The following EPHA6 variants were observed in gnomAD, a reference collection of about 807,000 sequenced individuals.
EPHA6 encodes the protein ephrin type-A receptor 6.
A neutral mutation model predicts 112.0 loss-of-function variants in EPHA6; 50 were observed. The observed-to-expected ratio is 0.45, with a 90% confidence interval of 0.36 to 0.56. The LOEUF (loss-of-function observed/expected upper bound fraction) is 0.56. EPHA6 is among the 20% of genes least tolerant of loss of function. EPHA6 has a pLI of 0.00. For synonymous variants in EPHA6, 529 were observed against 490.7 expected (o/e 1.08, Z -1.03); for missense variants, 1,280 against 1,417.4 (o/e 0.90, Z 1.56).
chr3:97,293,426 C>T (rs571961443), intron 5 of EPHA6, among the ~76,000 whole-genome samples: 56 of 152,300 alleles, frequency 3.7e-4, no homozygotes, highest in Admixed American at 9.1e-4. Flanking sequence ...TTTCTGTTGG[C>T]AGGCAGGTCA....
intron 5 of EPHA6, among the ~76,000 whole-genome samples, chr3:97,258,537 C>T (rs2079392259): frequency 6.6e-6 from 1 of 152,120 alleles, no homozygotes; most frequent in Non-Finnish European, 1.5e-5. Context: ...TTATGAATCT[C>T]TTGGGCCCCA....
intron 1 of EPHA6, among the ~76,000 whole-genome samples, chr3:96,864,672 G>T (rs2036204651): frequency 6.6e-6 from 1 of 152,030 alleles, no homozygotes; most frequent in East Asian, 1.9e-4. Context: ...TACATTTAAA[G>T]AGGGTGGATT....
In EPHA6 at chr3:97,302,379, T is replaced by G. The variant is rs548148027; in HGVS notation, c.1606+58092T>G. On this transcript the variant is annotated intron_variant, in intron 5 of 17. Transcript: ENST00000389672. ...AAAAATAAAGAGTAAAACTTGTTCC[T>G]AAACCACTGTATATTATTTTTGTCC... Among the ~76,000 whole-genome samples, 566 of 151,918 alleles carry G rather than the reference T, an allele frequency of 3.7e-3. 1 individual carries two copies. The highest frequency in any genetic ancestry group is 0.013 in the African/African-American group (522 of 41,524).
chr3:96,865,780 ATT>A (rs778977103), intron 1 of EPHA6, among the ~76,000 whole-genome samples: 7 of 151,596 alleles, frequency 4.6e-5, no homozygotes, highest in Non-Finnish European at 8.8e-5. Flanking sequence ...GTACCAAAGC[ATT>A]GTTTCTCAGA....
In EPHA6 at chr3:97,483,919, T is replaced by C; in HGVS notation, c.2075-15T>C. Reference sequence around the variant, plus strand: ...TACTCAAACTAAATCAATCGTTTTGTTATTGTTGTTGCAGTGCGCTTCCCG... The same window carrying C: ...TACTCAAACTAAATCAATCGTTTTGCTATTGTTGTTGCAGTGCGCTTCCCG... On this transcript the variant is annotated splice_polypyrimidine_tract_variant and intron_variant, in intron 9 of 17. Transcript: ENST00000389672. The C allele has an allele frequency of 1.3e-6, 2 of 1,586,276 alleles. No homozygotes were observed. Among genetic ancestry groups the C allele is most frequent in the South Asian group, 1.2e-5 (1 of 84,384 alleles).
At chr3:97,378,245 T>C (rs2085492063) in intron 5 of EPHA6, among the ~76,000 whole-genome samples, 1 of 152,200 alleles carries the variant, frequency 6.6e-6, no homozygotes, top group Non-Finnish European at 1.5e-5. Context: ...CCCCAAGCCT[T>C]GGCACCTTCC....
chr3:96,876,449 T>C (rs569002695), intron 2 of EPHA6, among the ~76,000 whole-genome samples: 1 of 151,558 alleles, frequency 6.6e-6, no homozygotes, highest in East Asian at 1.9e-4. Flanking sequence ...GTTTACCTGC[T>C]TTGGGTCTTT....
chr3:97,540,632 T>A (rs2092835300), intron 11 of EPHA6, among the ~76,000 whole-genome samples: 1 of 152,188 alleles, frequency 6.6e-6, no homozygotes, highest in African/African-American at 2.4e-5. Context: ...TGCTGCTAAT[T>A]GTCGGGTAGA....
intron 2 of EPHA6, among the ~76,000 whole-genome samples, chr3:96,872,509 A>G (rs1217059496): frequency 6.6e-6 from 1 of 152,036 alleles, no homozygotes; most frequent in East Asian, 1.9e-4. Context: ...TTGTTCTTGC[A>G]AGGTAAGTCT....
At chr3:97,676,265 A>G (rs1161045741) in intron 14 of EPHA6, among the ~76,000 whole-genome samples, 1 of 152,144 alleles carries the variant, frequency 6.6e-6, no homozygotes, top group African/African-American at 2.4e-5. Flanking sequence ...GATACTGAGA[A>G]GGAATTACCA....
intron 3 of EPHA6, among the ~76,000 whole-genome samples, chr3:97,141,035 A>G (rs538550873): frequency 1.3e-5 from 2 of 152,262 alleles, no homozygotes; most frequent in South Asian, 4.1e-4. Context: ...CTATACATAT[A>G]TCAGATCAAA....
chr3:97,377,487 T>G (rs1476709117), intron 5 of EPHA6, among the ~76,000 whole-genome samples: 1 of 152,126 alleles, frequency 6.6e-6, no homozygotes, highest in East Asian at 1.9e-4. Flanking sequence ...GCTGAAAAGA[T>G]ACCTGAAAAT....
intron 2 of EPHA6, among the ~76,000 whole-genome samples, chr3:96,913,100 A>G (rs2039300406): frequency 6.7e-6 from 1 of 149,670 alleles, no homozygotes. Flanking sequence ...AGGCTAAGGC[A>G]AGAGGATCAC....
chr3:97,246,103 C>G (rs986178364), intron 5 of EPHA6, among the ~76,000 whole-genome samples: 1 of 151,914 alleles, frequency 6.6e-6, no homozygotes, highest in Non-Finnish European at 1.5e-5. Context: ...TTCTTTTCCT[C>G]TTTCCTTTAG....
intron 5 of EPHA6, among the ~76,000 whole-genome samples, chr3:97,287,422 G>A (rs910400790): frequency 2.0e-5 from 3 of 151,478 alleles, no homozygotes; most frequent in East Asian, 1.9e-4. Context: ...CCGAGATGGC[G>A]CCACTGCACT....
rs1292707368 is a variant in EPHA6 at position 97,757,895 on chromosome 3, T to A, written c.*9194T>A. Among the ~76,000 whole-genome samples the A allele has an allele frequency of 6.6e-6, 1 of 151,890 alleles. No homozygotes were observed. The highest frequency in any genetic ancestry group is 2.4e-5 in the African/African-American group (1 of 41,426). ...GAAAGTTTCCAACTCTCAAATAAGT[T>A]GAAACCAAGTGTCATAGCACAGTGG... On this transcript the variant is annotated 3_prime_UTR_variant, in exon 18 of 18. Transcript: ENST00000389672.
chr3:97,658,764 A>G (rs968162476), intron 14 of EPHA6, among the ~76,000 whole-genome samples: 9 of 151,862 alleles, frequency 5.9e-5, no homozygotes, highest in African/African-American at 1.9e-4. Flanking sequence ...TTAAAACTGC[A>G]CATGCTGAGG....
In EPHA6 at chr3:96,856,489, A is replaced by G. The variant is rs528332399; in HGVS notation, c.386-10336A>G. 2.0e-5 allele frequency among the ~76,000 whole-genome samples: 3 copies of G among 152,304 alleles called. No homozygotes were observed. In the East Asian group the frequency reaches 5.8e-4, roughly 29 times the overall value. ...ATAGAACTATTTTTCTTTCCAAAAAATTAAGACTAGGCCTTCTAAAATTTA... is the reference window on the plus strand; with the variant it reads ...ATAGAACTATTTTTCTTTCCAAAAAGTTAAGACTAGGCCTTCTAAAATTTA... On this transcript the variant is annotated intron_variant, in intron 1 of 17. Transcript: ENST00000389672.
At chr3:97,516,903 C>A (rs1056544331) in intron 10 of EPHA6, among the ~76,000 whole-genome samples, 1 of 151,998 alleles carries the variant, frequency 6.6e-6, no homozygotes, top group Non-Finnish European at 1.5e-5. Context: ...TGTTTTCCCC[C>A]CTCATTCATT....
Sources: gnomAD v4.1 joint callset for allele counts (sites outside exome capture counted in the v4.1 genomes callset) on GRCh38, gnomAD v4.1.1 for gene constraint, MANE v1.5 for transcripts, NCBI Gene and HGNC (gene_info 2026-07-23, HGNC 2026-07-21) for gene names.